The following DYSF variants were observed in gnomAD, a reference collection of about 807,000 sequenced individuals.
DYSF encodes the protein dystrophy-associated fer-1-like 1.
DYSF carries 212 observed loss-of-function variants against 274.9 expected under a neutral mutation model. That is an observed-to-expected ratio of 0.77 (90% CI 0.69 to 0.86). The LOEUF (loss-of-function observed/expected upper bound fraction) is 0.86. DYSF is among the 40% of genes least tolerant of loss of function. The pLI is 0.00. For synonymous variants in DYSF, 1,091 were observed against 1,078.7 expected (o/e 1.01, Z -0.22); for missense variants, 2,666 against 2,783.2 (o/e 0.96, Z 0.95).
upstream of DYSF, among the ~76,000 whole-genome samples, chr2:71,465,515 A>G (rs2081478044): frequency 6.6e-6 from 1 of 152,166 alleles, no homozygotes; most frequent in Admixed American, 6.5e-5. Context: ...GGTCATGACT[A>G]CAAAAGGCAC....
chr2:71,466,678 A>G, upstream of DYSF: 2 of 1,355,326 alleles, frequency 1.5e-6, no homozygotes, highest in East Asian at 5.7e-5. Flanking sequence ...TCCTCCCTGC[A>G]GCCTCTCCCA....
intron 54 of DYSF, among the ~76,000 whole-genome samples, chr2:71,681,654 T>C (rs987397539): frequency 3.3e-5 from 5 of 152,224 alleles, no homozygotes; most frequent in African/African-American, 1.2e-4. Flanking sequence ...CTGTCTTCCC[T>C]ACATCACAGA....
intron 22 of DYSF, 100 bp downstream of exon 22, chr2:71,556,171 C>T (rs1285492294): frequency 5.0e-6 from 5 of 1,001,666 alleles, no homozygotes; most frequent in African/African-American, 1.6e-5. Context: ...TGGCACGTCT[C>T]CCAGCCACGC....
Position 71,626,534 on chromosome 2 carries a change from C to G in DYSF, c.4527+5925C>G, listed in dbSNP as rs570112308. ...AGCTTAATTACAGTAATAAATATAT[C>G]TATATTAGTACTTAAACAACTTTGC... On this transcript the variant is annotated intron_variant, in intron 41 of 55. Transcript: ENST00000410020. Among the ~76,000 whole-genome samples the G allele has an allele frequency of 4.0e-5, 6 of 151,624 alleles. No homozygotes were observed. The East Asian group carries it at 1.2e-3, about 29-fold the overall frequency.
intron 3 of DYSF, among the ~76,000 whole-genome samples, chr2:71,499,218 T>A (rs779245107): frequency 3.3e-5 from 5 of 152,244 alleles, no homozygotes; most frequent in Non-Finnish European, 7.3e-5. Flanking sequence ...TCCTCTTTTT[T>A]ATGCAGCAAG....
chr2:71,618,350 G>T (rs111064134), intron 40 of DYSF, among the ~76,000 whole-genome samples: 14 of 5,134 alleles, frequency 2.7e-3, no homozygotes, highest in African/African-American at 3.3e-3. Flanking sequence ...GTGGTAGAGG[G>T]GTGTGTGTGT....
Position 71,493,494 on chromosome 2 carries a change from G to C in DYSF, c.240-9720G>C, listed in dbSNP as rs377197477. 2.0e-4 allele frequency among the ~76,000 whole-genome samples: 31 copies of C among 152,320 alleles called. No homozygotes were observed. The East Asian group carries it at 2.5e-3, about 12-fold the overall frequency. ...GAAAAAAGATATTTGTGAGGGAATAGAGCCAGCCGTGGGAATATGCATGCC... is the reference window on the plus strand; with the variant it reads ...GAAAAAAGATATTTGTGAGGGAATACAGCCAGCCGTGGGAATATGCATGCC... On this transcript the variant is annotated intron_variant, in intron 3 of 55. Coordinates refer to ENST00000410020, the MANE Select transcript of DYSF (RefSeq NM_001130987.2).
intron 17 of DYSF, among the ~76,000 whole-genome samples, chr2:71,544,756 A>G (rs1316641123): frequency 2.0e-5 from 3 of 152,288 alleles, no homozygotes; most frequent in African/African-American, 7.2e-5. Context: ...GACATTGTTA[A>G]CTTAGACTTC....
intron 14 of DYSF, among the ~76,000 whole-genome samples, chr2:71,532,069 G>T (rs150454911): frequency 6.6e-6 from 1 of 152,246 alleles, no homozygotes; most frequent in African/African-American, 2.4e-5. Context: ...ATGCAGTTTG[G>T]TAAACTGCTT....
chr2:71,599,822 G>A (rs2093502134), intron 33 of DYSF, among the ~76,000 whole-genome samples: 1 of 152,238 alleles, frequency 6.6e-6, no homozygotes, highest in South Asian at 2.1e-4. Context: ...GGGGGAAGGT[G>A]CTGCTGTCTA....
rs746628298 is a variant in DYSF at position 71,466,948 on chromosome 2, G to A, written c.91+15G>A. The stretch of plus-strand genomic sequence containing the variant: ...GACTTTCCGAGGTGAGAGCCCCGTG[G>A]CTGCCGCGCCCATGCTCGGGTGCTA... On this transcript the variant is annotated intron_variant, in intron 1 of 55. Coordinates refer to ENST00000410020, the MANE Select transcript of DYSF (RefSeq NM_001130987.2). 5.2e-6 allele frequency: 8 copies of A among 1,548,198 alleles called. No individual in the cohort carries two copies. Among genetic ancestry groups the A allele is most frequent in the Non-Finnish European group, 7.0e-6 (8 of 1,144,974 alleles).
chr2:71,613,394 C>T lies in DYSF; in HGVS notation c.4448C>T (p.Pro1483Leu). Residue 1483 changes from proline (P) to leucine (L), a missense_variant, in exon 40 of 56, where the codon CCC (proline) becomes CTC (leucine). By Grantham distance (98) the Pro-to-Leu change is moderately conservative (BLOSUM62 -3). Transcript: ENST00000410020. ...DVLIDIDDKE[P>L]LIPIQLADGL... ...CTCATCGACATTGATGACAAGGAGC[C>T]CCTCATCCCCATCCAGGTAGGATGG... 2.5e-6 allele frequency: 4 copies of T among 1,613,114 alleles called. No individual in the cohort carries two copies. The highest frequency in any genetic ancestry group is 3.4e-6 in the Non-Finnish European group (4 of 1,179,636).
At chr2:71,584,659 A>G (rs2093006026) in intron 30 of DYSF, among the ~76,000 whole-genome samples, 1 of 152,194 alleles carries the variant, frequency 6.6e-6, no homozygotes, top group South Asian at 2.1e-4. Flanking sequence ...TTGGACGCCC[A>G]CTACATGCTC....
At position 71,617,878 on chromosome 2, in the gene DYSF, G is replaced by GGGTGTGTGTGTGGTAGA. The variant is rs1558636061; in HGVS notation, c.4465-2659_4465-2658insTGGTAGAGGTGTGTGTG. ...GGGGTGTGTGTGTGTGGTAGAGGTG[G>GGGTGTGTGTGTGGTAGA]GGTGTGTGTGGTAGAGGTGTGTTTG... On this transcript the variant is annotated intron_variant, in intron 40 of 55. Coordinates refer to ENST00000410020, the MANE Select transcript of DYSF (RefSeq NM_001130987.2). Among the ~76,000 whole-genome samples the GGGTGTGTGTGTGGTAGA allele has an allele frequency of 7.4e-3, 235 of 31,846 alleles. 13 individuals are homozygous for GGGTGTGTGTGTGGTAGA. The highest frequency in any genetic ancestry group is 0.016 in the African/African-American group (224 of 13,620). 20.9% of individuals were successfully genotyped at this position (31,846 alleles called of 152,430 possible).
chr2:71,675,159 T>G (rs1329035196), intron 52 of DYSF, among the ~76,000 whole-genome samples: 3 of 149,278 alleles, frequency 2.0e-5, no homozygotes, highest in African/African-American at 7.4e-5. Flanking sequence ...GGAGGGGGGA[T>G]GGGGAGTGAC....
At chr2:71,679,270 T>C (rs781678562) in intron 53 of DYSF, 35 bp downstream of exon 53, 1 of 1,602,018 alleles carries the variant, frequency 6.2e-7, no homozygotes, top group South Asian at 1.1e-5. Flanking sequence ...GTGGAGGGCA[T>C]GGGGGAAGCT....
chr2:71,549,805 T>G (rs888767647), intron 17 of DYSF, among the ~76,000 whole-genome samples: 2 of 152,054 alleles, frequency 1.3e-5, no homozygotes, highest in African/African-American at 4.8e-5. Context: ...AAATCATAAT[T>G]GAGATGATTA....
intron 55 of DYSF, among the ~76,000 whole-genome samples, chr2:71,683,442 C>G (rs1472061590): frequency 6.6e-6 from 1 of 152,214 alleles, no homozygotes; most frequent in African/African-American, 2.4e-5. Context: ...CCCAGTGTCT[C>G]TGATACTTTA....
chr2:71,572,469 A>G (rs2092550702), intron 29 of DYSF, among the ~76,000 whole-genome samples: 1 of 152,268 alleles, frequency 6.6e-6, no homozygotes, highest in Middle Eastern at 3.2e-3. Context: ...AAAGACACCC[A>G]TGGACTTTGT....
Sources: allele counts gnomAD v4.1 joint callset (sites outside exome capture counted in the v4.1 genomes callset), GRCh38; gene constraint gnomAD v4.1.1; transcripts MANE v1.5; gene names NCBI Gene and HGNC (gene_info 2026-07-23, HGNC 2026-07-21).